The following PITPNC1 variants were observed in gnomAD, a reference collection of about 807,000 sequenced individuals.
PITPNC1 encodes the protein cytoplasmic phosphatidylinositol transfer protein 1.
PITPNC1 carries 18 observed loss-of-function variants against 44.7 expected under a neutral mutation model. That is an observed-to-expected ratio of 0.40 (90% CI 0.28 to 0.60). The LOEUF (loss-of-function observed/expected upper bound fraction) is 0.60. Among genes scored for constraint, PITPNC1 ranks in the 20% least tolerant of loss-of-function variants. PITPNC1 has a pLI of 0.39. For missense variants in PITPNC1, 290 were observed against 418.4 expected, an observed-to-expected ratio of 0.69 and a Z score of 2.68; for synonymous variants, 141 against 149.6, an observed-to-expected ratio of 0.94 and a Z score of 0.42.
intron 6 of PITPNC1, among the ~76,000 whole-genome samples, chr17:67,642,248 CA>C (rs2060533535): frequency 6.6e-6 from 1 of 152,082 alleles, no homozygotes; most frequent in African/African-American, 2.4e-5. Context: ...GTCTTCAAAG[CA>C]GGGGTCACCA....
chr17:67,491,804 C>A (rs2039868027), intron 1 of PITPNC1, among the ~76,000 whole-genome samples: 2 of 152,106 alleles, frequency 1.3e-5, no homozygotes, highest in African/African-American at 2.4e-5. Flanking sequence ...TGCCTCCAGC[C>A]TGGGTGACAG....
intron 4 of PITPNC1, among the ~76,000 whole-genome samples, chr17:67,554,226 C>T (rs1027308917): frequency 6.0e-5 from 9 of 151,032 alleles, no homozygotes; most frequent in Non-Finnish European, 1.3e-4. Flanking sequence ...AACAGGTCAA[C>T]CTATCACAAC....
chr17:67,517,320 C>A (rs1432254390), intron 1 of PITPNC1, among the ~76,000 whole-genome samples: 1 of 152,152 alleles, frequency 6.6e-6, no homozygotes, highest in African/African-American at 2.4e-5. Context: ...TTAAAACTAT[C>A]AAAAGAAAAT....
At chr17:67,470,339 A>G (rs2039501102) in intron 1 of PITPNC1, among the ~76,000 whole-genome samples, 3 of 152,230 alleles carry the variant, frequency 2.0e-5, no homozygotes, top group South Asian at 4.1e-4. Context: ...AAGATACAGA[A>G]CATTTCATCA....
chr17:67,533,853 T>C (rs2040494678), intron 2 of PITPNC1, among the ~76,000 whole-genome samples: 1 of 152,130 alleles, frequency 6.6e-6, no homozygotes, highest in African/African-American at 2.4e-5. Flanking sequence ...GCAAAATATA[T>C]TCTTTAATCT....
intron 1 of PITPNC1, among the ~76,000 whole-genome samples, chr17:67,522,659 C>CCTTTTTTTTTTTTTTTTTTTTTTTT (rs1555661487): frequency 8.5e-6 from 1 of 117,228 alleles, no homozygotes; most frequent in African/African-American, 4.4e-5. Context: ...CCATTTTAAT[C>CCTTTTTTTTTTTTTTTTTTTTTTTT]TTTTTTTTTT....
intron 1 of PITPNC1, among the ~76,000 whole-genome samples, chr17:67,514,444 G>T (rs1002078980): frequency 6.7e-6 from 1 of 150,304 alleles, no homozygotes; most frequent in East Asian, 2.0e-4. Flanking sequence ...CAGGTGATCC[G>T]CCTGCCTCGG....
At chr17:67,387,778 C>T (rs772688155) in intron 1 of PITPNC1, among the ~76,000 whole-genome samples, 2 of 152,176 alleles carry the variant, frequency 1.3e-5, no homozygotes, top group Admixed American at 1.3e-4. Flanking sequence ...GCAATTTGTA[C>T]TTATTTTGTT....
chr17:67,564,994 G>A (rs1462580605), intron 4 of PITPNC1, among the ~76,000 whole-genome samples: 1 of 151,782 alleles, frequency 6.6e-6, no homozygotes, highest in Non-Finnish European at 1.5e-5. Context: ...GTTTTTCAGT[G>A]GATATACTAG....
intron 1 of PITPNC1, among the ~76,000 whole-genome samples, chr17:67,477,855 G>T (rs1020026097): frequency 6.6e-6 from 1 of 152,154 alleles, no homozygotes; most frequent in African/African-American, 2.4e-5. Flanking sequence ...CCCAAAAAAA[G>T]TCTTGCTCAT....
chr17:67,626,834 A>C (rs1470491015), intron 5 of PITPNC1, among the ~76,000 whole-genome samples: 1 of 151,626 alleles, frequency 6.6e-6, no homozygotes, highest in African/African-American at 2.4e-5. Context: ...AAAAAAAAAA[A>C]ACCTAAGATC....
intron 1 of PITPNC1, among the ~76,000 whole-genome samples, chr17:67,458,776 C>G (rs2039291261): frequency 6.6e-6 from 1 of 152,058 alleles, no homozygotes; most frequent in African/African-American, 2.4e-5. Context: ...CCGTGGGAAT[C>G]TTACATGGTC....
chr17:67,465,651 T>C lies in PITPNC1; in HGVS notation c.49-67151T>C, dbSNP rs190662552. On this transcript the variant is annotated intron_variant, in intron 1 of 8. Coordinates refer to ENST00000581322, the MANE Select transcript of PITPNC1 (RefSeq NM_012417.4). ...TTTCTCCAATCTGTATAAGGTGGAA[T>C]AGGGAAATGAGGCTCCTCTCTGATG... is the stretch of plus-strand genomic sequence containing the variant. Among the ~76,000 whole-genome samples the C allele has an allele frequency of 1.3e-3, 196 of 152,224 alleles. No homozygotes were observed. The Middle Eastern group carries it at 0.014, about 11-fold the overall frequency.
intron 1 of PITPNC1, among the ~76,000 whole-genome samples, chr17:67,427,546 T>TGTG (rs2038788304): frequency 3.3e-5 from 5 of 152,134 alleles, no homozygotes; most frequent in African/African-American, 9.7e-5. Context: ...CTCGGACTCC[T>TGTG]CGGACTCCTC....
At chr17:67,403,800 T>C (rs2038358074) in intron 1 of PITPNC1, among the ~76,000 whole-genome samples, 2 of 152,150 alleles carry the variant, frequency 1.3e-5, no homozygotes, top group South Asian at 4.1e-4. Context: ...GGTGGGTGGA[T>C]CACCTGAGGT....
intron 5 of PITPNC1, among the ~76,000 whole-genome samples, chr17:67,619,473 C>T (rs1384308415): frequency 6.6e-6 from 1 of 152,104 alleles, no homozygotes; most frequent in Non-Finnish European, 1.5e-5. Context: ...CTTCTTGGCC[C>T]CCCAAGGACC....
At chr17:67,450,549 T>C (rs1798519195) in intron 1 of PITPNC1, among the ~76,000 whole-genome samples, 1 of 151,842 alleles carries the variant, frequency 6.6e-6, no homozygotes, top group African/African-American at 2.4e-5. Flanking sequence ...CCTCAGCCTC[T>C]CGAGTAGCTG....
chr17:67,647,127 C>T (rs758490387), intron 6 of PITPNC1, among the ~76,000 whole-genome samples: 5 of 152,080 alleles, frequency 3.3e-5, no homozygotes, highest in Middle Eastern at 3.2e-3. Context: ...GCCTTTGAGA[C>T]GGTTGGTTAC....
intron 1 of PITPNC1, among the ~76,000 whole-genome samples, chr17:67,522,657 A>ATTTTT (rs1219049449): frequency 6.7e-5 from 4 of 59,968 alleles, no homozygotes; most frequent in South Asian, 5.6e-4. Context: ...TACCATTTTA[A>ATTTTT]TCTTTTTTTT....
Sources: allele counts gnomAD v4.1 joint callset (sites outside exome capture counted in the v4.1 genomes callset), GRCh38; gene constraint gnomAD v4.1.1; transcripts MANE v1.5; gene names NCBI Gene and HGNC (gene_info 2026-07-23, HGNC 2026-07-21).